The following CFAP100 variants were observed in gnomAD, a reference collection of about 807,000 sequenced individuals.
The protein encoded by CFAP100 is cilia and flagella associated protein 100, also known as cilia- and flagella-associated protein 100.
CFAP100 carries 70 observed loss-of-function variants against 81.5 expected under a neutral mutation model. That is an observed-to-expected ratio of 0.86 (90% confidence interval 0.71 to 1.05). The LOEUF (loss-of-function observed/expected upper bound fraction) is 1.05. CFAP100 is among the 50% of genes least tolerant of loss of function. The pLI is 0.00. For missense variants in CFAP100, 811 were observed against 776.5 expected (o/e 1.04, Z -0.53); for synonymous variants, 341 against 314.8 (o/e 1.08, Z -0.88).
At chr3:126,425,213 A>G (rs1311061110) in intron 13 of CFAP100, among the ~76,000 whole-genome samples, 1 of 152,248 alleles carries the variant, frequency 6.6e-6, no homozygotes, top group African/African-American at 2.4e-5. Flanking sequence ...TGGATGTGAC[A>G]TCCCAAAGCT....
intron 5 of CFAP100, 109 bp downstream of exon 5, chr3:126,416,617 GC>G: frequency 1.1e-6 from 1 of 950,578 alleles, no homozygotes; most frequent in South Asian, 1.8e-5. Flanking sequence ...GATGGGAAGT[GC>G]TTTTCAAGTG....
intron 2 of CFAP100, among the ~76,000 whole-genome samples, chr3:126,399,187 T>C (rs1326034772): frequency 6.6e-6 from 1 of 152,234 alleles, no homozygotes; most frequent in Non-Finnish European, 1.5e-5. Flanking sequence ...TGGCACGTTC[T>C]ACCCTCTGGC....
chr3:126,409,845 G>A (rs1051683168), intron 3 of CFAP100, among the ~76,000 whole-genome samples: 7 of 152,112 alleles, frequency 4.6e-5, no homozygotes, highest in South Asian at 2.1e-4. Flanking sequence ...TGAGTATGAC[G>A]GATATCTTCT....
In CFAP100 at chr3:126,435,614, C is replaced by T. The variant is rs777814056; in HGVS notation, c.1684C>T (p.Arg562Trp). The T allele has an allele frequency of 2.9e-5, 46 of 1,612,182 alleles. No homozygotes were observed. The highest frequency in any genetic ancestry group is 5.3e-5 in the African/African-American group (4 of 74,864). Residue 562 changes from arginine (R) to tryptophan (W), a missense_variant, in exon 16 of 17, where the codon CGG (arginine) becomes TGG (tryptophan). Physicochemically the swap from Arg to Trp is moderately radical, Grantham distance 101 (BLOSUM62 -3). Coordinates refer to ENST00000352312, the MANE Select transcript of CFAP100 (RefSeq NM_182628.3). ...GATCCTACAGGAGGAGCATCTGCAG[C>T]GGGCCCGGGCGCGCGCCCAGGCTGA... The part of the protein sequence containing the change: ...QKILQEEHLQ[R>W]ARARAQAEIK...
In CFAP100 at chr3:126,396,247, T is replaced by C. The variant is rs569238844; in HGVS notation, c.49+198T>C. Among the ~76,000 whole-genome samples, 46 of 151,982 alleles carry C rather than the reference T, an allele frequency of 3.0e-4. No individual in the cohort carries two copies. In the South Asian group the frequency reaches 8.9e-3, roughly 30 times the overall value. On this transcript the variant is annotated intron_variant, in intron 2 of 16. Transcript: ENST00000352312. The stretch of plus-strand genomic sequence containing the variant: ...ACCACCACAAACTGGGGGGCTGGAG[T>C]CACAGACATTTGTTTTCTCAAGCTC...
chr3:126,396,314 G>T (rs1360069867), intron 2 of CFAP100, among the ~76,000 whole-genome samples: 1 of 152,158 alleles, frequency 6.6e-6, no homozygotes, highest in Non-Finnish European at 1.5e-5. Context: ...AAAAGGCTAG[G>T]TCCCTCCAAG....
At chr3:126,421,605 G>A (rs1207335058) in intron 11 of CFAP100, among the ~76,000 whole-genome samples, 1 of 152,108 alleles carries the variant, frequency 6.6e-6, no homozygotes, top group African/African-American at 2.4e-5. Context: ...TCCTCCACGG[G>A]GCCTTTATCT....
chr3:126,423,723 G>A, intron 13 of CFAP100, 79 bp downstream of exon 13: 1 of 1,557,172 alleles, frequency 6.4e-7, no homozygotes, highest in Non-Finnish European at 8.8e-7. Context: ...AGCCAAGTTG[G>A]GGAAACAGCC....
Position 126,418,539 on chromosome 3 carries a change from C to T in CFAP100, c.486+14C>T. On this transcript the variant is annotated intron_variant, in intron 6 of 16. Coordinates refer to ENST00000352312, the MANE Select transcript of CFAP100 (RefSeq NM_182628.3). Reference sequence around the variant, plus strand: ...TTCCTCCTCCAGGTAGGTCCCGTGGCCCCCAGAGCGATGGATGCCAGCAGT... The same window carrying T: ...TTCCTCCTCCAGGTAGGTCCCGTGGTCCCCAGAGCGATGGATGCCAGCAGT... The T allele has an allele frequency of 2.5e-6, 4 of 1,614,024 alleles. No homozygotes were observed. Among genetic ancestry groups the T allele is most frequent in the Middle Eastern group, 1.7e-4 (1 of 6,058 alleles).
intron 11 of CFAP100, among the ~76,000 whole-genome samples, chr3:126,423,068 G>A (rs9868833): frequency 0.044 from 6,714 of 152,324 alleles, 215 homozygotes; most frequent in Middle Eastern, 0.092. Context: ...TCTGGCGACA[G>A]GTCTGGAACA....
chr3:126,396,140 C>T, intron 2 of CFAP100, 91 bp downstream of exon 2: 2 of 975,070 alleles, frequency 2.1e-6, no homozygotes, highest in Non-Finnish European at 3.3e-6. Context: ...AGCTCTAAAC[C>T]AAACACTAGG....
chr3:126,426,748 CAATA>C (rs915179269), intron 13 of CFAP100, among the ~76,000 whole-genome samples: 2 of 152,016 alleles, frequency 1.3e-5, no homozygotes, highest in East Asian at 1.9e-4. Context: ...GACTCCGTCT[CAATA>C]AATAAATAAA....
rs1373854087 is a variant in CFAP100 at position 126,419,752 on chromosome 3, A to G, written c.847A>G (p.Lys283Glu). 6.2e-7 allele frequency: 1 copy of G among 1,613,940 alleles called. No homozygotes were observed. Among genetic ancestry groups the G allele is most frequent in the East Asian group, 2.2e-5 (1 of 44,902 alleles). Reference protein sequence around the residue: ...EEQEKKHSFLKKAKEVSEASK... With the variant: ...EEQEKKHSFLEKAKEVSEASK... Reference sequence around the variant, plus strand: ...ACAGGAAAAGAAACACTCGTTTCTCAAAAAGGCCAAGGAGGTCTCCGAGGC... The same window carrying G: ...ACAGGAAAAGAAACACTCGTTTCTCGAAAAGGCCAAGGAGGTCTCCGAGGC... Residue 283 changes from lysine (K) to glutamate (E), a missense_variant, in exon 9 of 17, where the codon AAA becomes GAA. Physicochemically the swap from Lys to Glu is moderately conservative, Grantham distance 56. Coordinates refer to ENST00000352312, the MANE Select transcript of CFAP100 (RefSeq NM_182628.3).
intron 14 of CFAP100, chr3:126,433,434 A>G (rs1315591782): frequency 3.6e-6 from 2 of 549,790 alleles, no homozygotes; most frequent in Non-Finnish European, 6.5e-6. Flanking sequence ...TTATTCAACA[A>G]ATGTGTCTGC....
intron 3 of CFAP100, among the ~76,000 whole-genome samples, chr3:126,411,649 T>G (rs1483262028): frequency 6.6e-6 from 1 of 152,126 alleles, no homozygotes; most frequent in African/African-American, 2.4e-5. Flanking sequence ...AGGAGAGTTG[T>G]GTGTTTCCAG....
rs1193283857 is a variant in CFAP100, at chr3:126,434,190, G to A, written c.1437G>A (p.Glu479=). The A allele has an allele frequency of 1.9e-6, 3 of 1,612,180 alleles. No individual in the cohort carries two copies. Among genetic ancestry groups the A allele is most frequent in the Non-Finnish European group, 2.5e-6 (3 of 1,178,856 alleles). Reference sequence around the variant, plus strand: ...CTCCTCCACAGGATAAGCTGCTAGAGAGCCTGAACTGCAAGGTGCTGGATG... The same window carrying A: ...CTCCTCCACAGGATAAGCTGCTAGAAAGCCTGAACTGCAAGGTGCTGGATG... ...YKGDQQDKLL[E]SLNCKVLDVY... The change falls in exon 15 of 17, where the codon GAG becomes GAA. Residue 479 remains glutamate (E), a synonymous_variant. Transcript: ENST00000352312.
At position 126,431,435 on chromosome 3, in the gene CFAP100, T is replaced by A. The variant is rs548896838; in HGVS notation, c.1287-1634T>A. Among the ~76,000 whole-genome samples the A allele has an allele frequency of 2.6e-5, 4 of 152,222 alleles. No homozygotes were observed. In the South Asian group the frequency reaches 8.3e-4, roughly 32 times the overall value. ...CAGGAGAAACTGCAGGCCAATGAGA[T>A]CTCTTTCAGCACTGCCATGGCTTGG... On this transcript the variant is annotated intron_variant, in intron 13 of 16. Coordinates refer to ENST00000352312, the MANE Select transcript of CFAP100 (RefSeq NM_182628.3).
intron 2 of CFAP100, among the ~76,000 whole-genome samples, chr3:126,402,649 G>T (rs1277242643): frequency 6.6e-6 from 1 of 152,062 alleles, no homozygotes; most frequent in Admixed American, 6.5e-5. Context: ...TTTGAAAGGT[G>T]TGCTCTGGGC....
intron 13 of CFAP100, among the ~76,000 whole-genome samples, chr3:126,428,007 G>T (rs1933024798): frequency 6.6e-6 from 1 of 152,144 alleles, no homozygotes; most frequent in African/African-American, 2.4e-5. Flanking sequence ...CAAAGGGATG[G>T]TGCTACACCA....
Sources: gnomAD v4.1 joint callset for allele counts (sites outside exome capture counted in the v4.1 genomes callset) on GRCh38, gnomAD v4.1.1 for gene constraint, MANE v1.5 for transcripts, NCBI Gene and HGNC (gene_info 2026-07-23, HGNC 2026-07-21) for gene names.